PCDHA5: variants seen among roughly 807,000 people sequenced by gnomAD.
PCDHA5 encodes protocadherin alpha-5.
PCDHA5 carries 43 observed loss-of-function variants against 61.6 expected under a neutral mutation model. The ratio of observed to expected loss-of-function variants is 0.70; its 90% confidence interval spans 0.55 to 0.90. PCDHA5 has a LOEUF of 0.90. PCDHA5 is among the 40% of genes least tolerant of loss of function. The probability of loss-of-function intolerance (pLI) is 0.00; values close to 1 mark genes in which losing one functional copy is unlikely to be tolerated. For synonymous variants in PCDHA5, 627 were observed against 543.9 expected, an observed-to-expected ratio of 1.15 and a Z score of -2.13; for missense variants, 1,298 against 1,222.7, an observed-to-expected ratio of 1.06 and a Z score of -0.92.
At chr5:140,967,086 G>C in intron 1 of PCDHA5, 3 of 1,613,210 alleles carry the variant, frequency 1.9e-6, no homozygotes, top group Non-Finnish European at 2.5e-6. Context: ...CGCATTGATC[G>C]GGAGGCGCTG....
At chr5:140,839,410 G>A (rs1776218295) in intron 1 of PCDHA5, among the ~76,000 whole-genome samples, 1 of 151,704 alleles carries the variant, frequency 6.6e-6, no homozygotes, top group South Asian at 2.1e-4. Context: ...TTATTTTTGA[G>A]ACAGGGTCTC....
At chr5:140,948,784 T>C (rs1486580473) in intron 1 of PCDHA5, among the ~76,000 whole-genome samples, 6 of 151,646 alleles carry the variant, frequency 4.0e-5, no homozygotes, top group African/African-American at 1.4e-4. Flanking sequence ...CTTTTGGCTT[T>C]GTTGATATAT....
At chr5:140,857,302 G>A in intron 1 of PCDHA5, 1 of 1,598,652 alleles carries the variant, frequency 6.3e-7, no homozygotes, top group South Asian at 1.1e-5. Flanking sequence ...AGAGGGTGTC[G>A]GCCTATGAGC....
rs1368694746 is a variant in PCDHA5, at chr5:140,870,609, G to T, written c.2352+46482G>T. ...TGGAGCGGCGGTTGGGCGACCGCGC[G>T]CTGTCGAGCTACGTGTCGGTGCACG... On this transcript the variant is annotated intron_variant, in intron 1 of 3. Coordinates refer to ENST00000529859, the MANE Select transcript of PCDHA5 (RefSeq NM_018908.3). The T allele has an allele frequency of 5.0e-6, 8 of 1,613,114 alleles. No homozygotes were observed. In the East Asian group the frequency reaches 1.8e-4, roughly 36 times the overall value.
At chr5:140,915,638 C>CTCTT (rs1554197009) in intron 1 of PCDHA5, among the ~76,000 whole-genome samples, 3 of 151,724 alleles carry the variant, frequency 2.0e-5, no homozygotes, top group Admixed American at 1.3e-4. Context: ...CTCTCTCTCT[C>CTCTT]TCTCTCTCTC....
intron 1 of PCDHA5, among the ~76,000 whole-genome samples, chr5:140,977,515 C>T (rs2096764078): frequency 6.6e-6 from 1 of 152,158 alleles, no homozygotes; most frequent in African/African-American, 2.4e-5. Context: ...ATTTTGTGAA[C>T]TTGAAAACAA....
At chr5:141,003,424 G>A (rs1431935325) in intron 3 of PCDHA5, among the ~76,000 whole-genome samples, 1 of 152,122 alleles carries the variant, frequency 6.6e-6, no homozygotes, top group Non-Finnish European at 1.5e-5. Context: ...TGATTCTTAT[G>A]CCTCAGCCTC....
At chr5:140,861,386 G>A in intron 1 of PCDHA5, 1 of 440,552 alleles carries the variant, frequency 2.3e-6, no homozygotes, top group Non-Finnish European at 4.6e-6. Context: ...CGCAGGACCT[G>A]GGTCTGGAGC....
rs184672024 is a variant in PCDHA5, at chr5:140,889,762, T to C, written c.2352+65635T>C. Among the ~76,000 whole-genome samples, 15 of 152,308 alleles carry C rather than the reference T, an allele frequency of 9.8e-5. No homozygotes were observed. The East Asian group carries it at 2.9e-3, about 29-fold the overall frequency. The stretch of plus-strand genomic sequence containing the variant: ...GAGTCTAATTTTTCTTTCCTTGAAC[T>C]TTGACTGGTCTTAATATTGGAAGTA... On this transcript the variant is annotated intron_variant, in intron 1 of 3. Coordinates refer to ENST00000529859, the MANE Select transcript of PCDHA5 (RefSeq NM_018908.3).
intron 1 of PCDHA5, among the ~76,000 whole-genome samples, chr5:140,970,178 A>T (rs1190328996): frequency 6.6e-6 from 1 of 152,214 alleles, no homozygotes; most frequent in East Asian, 1.9e-4. Context: ...GCATACTCTG[A>T]ATTCATTGTA....
At chr5:140,844,894 C>G (rs2150374853) in intron 1 of PCDHA5, among the ~76,000 whole-genome samples, 6 of 149,362 alleles carry the variant, frequency 4.0e-5, no homozygotes, top group African/African-American at 1.2e-4. Context: ...GTGCATATTG[C>G]TTTGGAGAGA....
chr5:141,006,992 A>C (rs1187318452), intron 3 of PCDHA5, among the ~76,000 whole-genome samples: 3 of 152,196 alleles, frequency 2.0e-5, no homozygotes, highest in Non-Finnish European at 2.9e-5. Flanking sequence ...GGCTTAAAAT[A>C]TAAGTCTGCA....
At chr5:140,861,726 T>C (rs571512824) in intron 1 of PCDHA5, 11 of 216,910 alleles carry the variant, frequency 5.1e-5, no homozygotes, top group African/African-American at 2.6e-4. Flanking sequence ...AATGCTCTGA[T>C]GACTTACATA....
intron 1 of PCDHA5, among the ~76,000 whole-genome samples, chr5:140,878,446 T>C (rs2057593210): frequency 6.6e-6 from 1 of 152,210 alleles, no homozygotes; most frequent in Admixed American, 6.5e-5. Flanking sequence ...CTATTCTTAT[T>C]TACATGAAAT....
In PCDHA5 at chr5:140,829,938, G is replaced by A. The variant is rs2150178242; in HGVS notation, c.2352+5811G>A. Reference sequence around the variant, plus strand: ...TCGTATGAGCTGCAGCCCCCGGCAAGCAGCGCTCGCTTCCCGTTTCGCGTG... The same window carrying A: ...TCGTATGAGCTGCAGCCCCCGGCAAACAGCGCTCGCTTCCCGTTTCGCGTG... On this transcript the variant is annotated intron_variant, in intron 1 of 3. Coordinates refer to ENST00000529859, the MANE Select transcript of PCDHA5 (RefSeq NM_018908.3). 8.1e-6 allele frequency: 13 copies of A among 1,613,874 alleles called. No homozygotes were observed. In the South Asian group the frequency reaches 8.8e-5, roughly 11 times the overall value.
intron 3 of PCDHA5, 42 bp from the exon 4 acceptor site, chr5:141,009,585 T>C: frequency 6.3e-7 from 1 of 1,592,908 alleles, no homozygotes; most frequent in Non-Finnish European, 8.6e-7. Flanking sequence ...ATCAAGAGCA[T>C]GTGTTGACCC....
chr5:140,884,423 AC>A, intron 1 of PCDHA5: 3 of 1,613,932 alleles, frequency 1.9e-6, no homozygotes, highest in Non-Finnish European at 2.5e-6. Flanking sequence ...GCTGCTGTAT[AC>A]TGCGCTGCGG....
In PCDHA5 at chr5:140,823,032, C is replaced by A; in HGVS notation, c.1257C>A (p.Val419=). Reference sequence around the variant, plus strand: ...CCCTGGACCGCGAGAGCGTGTCGGTCTATGAGCTGGTGGTGACCGCGCGGG... The same window carrying A: ...CCCTGGACCGCGAGAGCGTGTCGGTATATGAGCTGGTGGTGACCGCGCGGG... ...DSALDRESVS[V]YELVVTARDG... Residue 419 remains valine (V), a synonymous_variant, in exon 1 of 4, where the codon GTC becomes GTA. Coordinates refer to ENST00000529859, the MANE Select transcript of PCDHA5 (RefSeq NM_018908.3). 1.2e-6 allele frequency: 2 copies of A among 1,614,230 alleles called. No individual in the cohort carries two copies. Among genetic ancestry groups the A allele is most frequent in the Non-Finnish European group, 8.5e-7 (1 of 1,180,054 alleles).
chr5:140,966,767 A>G, intron 1 of PCDHA5: 1 of 1,484,362 alleles, frequency 6.7e-7, no homozygotes, highest in Non-Finnish European at 8.9e-7. Context: ...GCCAGTGGCT[A>G]TGGAGCAGGC....
Sources: allele counts gnomAD v4.1 joint callset (sites outside exome capture counted in the v4.1 genomes callset), GRCh38; gene constraint gnomAD v4.1.1; transcripts MANE v1.5; gene names NCBI Gene and HGNC (gene_info 2026-07-23, HGNC 2026-07-21).